The following SLIT3 variants were observed in gnomAD, a reference collection of about 807,000 sequenced individuals.
SLIT3 encodes the protein slit homolog 3 protein.
SLIT3 carries 68 observed loss-of-function variants against 184.0 expected under a neutral mutation model. That is an observed-to-expected ratio of 0.37 (90% confidence interval 0.30 to 0.45). The LOEUF (loss-of-function observed/expected upper bound fraction) is 0.45, where lower values mean the gene tolerates loss of function less well. Among genes scored for constraint, SLIT3 ranks in the 20% least tolerant of loss-of-function variants. The pLI is 1.00. For missense variants in SLIT3, 1,707 were observed against 2,026.0 expected (o/e 0.84, Z 3.02); for synonymous variants, 831 against 828.6 (o/e 1.00, Z -0.05).
chr5:169,288,457 T>C (rs544022536), intron 1 of SLIT3, among the ~76,000 whole-genome samples: 5 of 152,182 alleles, frequency 3.3e-5, no homozygotes, highest in Non-Finnish European at 5.9e-5. Flanking sequence ...TCATCAATGA[T>C]TCCTGAGGGT....
chr5:168,676,572 G>C (rs1479059469), intron 32 of SLIT3, among the ~76,000 whole-genome samples: 2 of 152,146 alleles, frequency 1.3e-5, no homozygotes, highest in African/African-American at 2.4e-5. Flanking sequence ...GGAAGGGGAG[G>C]GATGGCCCCG....
At chr5:168,856,330 T>C (rs1039019649) in intron 5 of SLIT3, among the ~76,000 whole-genome samples, 19 of 152,020 alleles carry the variant, frequency 1.2e-4, no homozygotes, top group Admixed American at 5.9e-4. Context: ...GACATCACAG[T>C]GAAAGGTAGG....
chr5:168,907,860 A>G (rs1761104868), intron 4 of SLIT3, among the ~76,000 whole-genome samples: 1 of 148,312 alleles, frequency 6.7e-6, no homozygotes, highest in African/African-American at 2.5e-5. Flanking sequence ...ACATATATCT[A>G]TATCTATAGA....
At chr5:168,969,792 A>G (rs1322415876) in intron 4 of SLIT3, among the ~76,000 whole-genome samples, 1 of 152,242 alleles carries the variant, frequency 6.6e-6, no homozygotes, top group African/African-American at 2.4e-5. Context: ...CACTTGGCTC[A>G]GGTTCACTTT....
chr5:169,068,842 C>CAA (rs5873146), intron 4 of SLIT3, among the ~76,000 whole-genome samples: 133 of 149,692 alleles, frequency 8.9e-4, no homozygotes, highest in Middle Eastern at 3.4e-3. Context: ...TTAAAAGCCT[C>CAA]AAAAAAAAAA....
At chr5:168,934,527 G>A (rs1429084374) in intron 4 of SLIT3, among the ~76,000 whole-genome samples, 10 of 152,162 alleles carry the variant, frequency 6.6e-5, no homozygotes, top group Non-Finnish European at 1.5e-4. Flanking sequence ...TCAGGCTGGT[G>A]GAAGAGACAG....
intron 4 of SLIT3, among the ~76,000 whole-genome samples, chr5:169,137,563 C>T (rs894019052): frequency 1.3e-5 from 2 of 152,046 alleles, no homozygotes; most frequent in Non-Finnish European, 2.9e-5. Context: ...TTTTTCCTGG[C>T]TTACGTCCCT....
chr5:168,965,847 T>C (rs1268148362), intron 4 of SLIT3, among the ~76,000 whole-genome samples: 1 of 152,192 alleles, frequency 6.6e-6, no homozygotes, highest in East Asian at 1.9e-4. Flanking sequence ...AATTGTGAAC[T>C]CATGCCAGCG....
chr5:169,274,304 T>C (rs1290429774), intron 1 of SLIT3, among the ~76,000 whole-genome samples: 2 of 152,230 alleles, frequency 1.3e-5, no homozygotes, highest in African/African-American at 4.8e-5. Flanking sequence ...GAAAGCCTTG[T>C]AGGATTTGAA....
chr5:169,219,250 CAGA>C (rs1256614750), intron 3 of SLIT3, among the ~76,000 whole-genome samples: 4 of 152,324 alleles, frequency 2.6e-5, no homozygotes, highest in Admixed American at 2.0e-4. Context: ...TGCTGACAGG[CAGA>C]ATAAGGTTCC....
At chr5:169,182,347 C>T (rs965187020) in intron 4 of SLIT3, among the ~76,000 whole-genome samples, 2 of 152,220 alleles carry the variant, frequency 1.3e-5, no homozygotes, top group African/African-American at 2.4e-5. Flanking sequence ...GTTATCATAG[C>T]TTTGCTGTTG....
At chr5:169,087,114 A>G (rs892336129) in intron 4 of SLIT3, among the ~76,000 whole-genome samples, 1 of 152,228 alleles carries the variant, frequency 6.6e-6, no homozygotes, top group Non-Finnish European at 1.5e-5. Context: ...CCGGCATGCT[A>G]TTTTGTGTTT....
intron 1 of SLIT3, among the ~76,000 whole-genome samples, chr5:169,281,536 C>T (rs186901618): frequency 4.6e-5 from 7 of 152,226 alleles, no homozygotes; most frequent in African/African-American, 1.4e-4. Context: ...ATTGTATTTG[C>T]GGTTCCTTTC....
At chr5:169,233,282 C>T (rs1452402749) in intron 3 of SLIT3, among the ~76,000 whole-genome samples, 14 of 152,176 alleles carry the variant, frequency 9.2e-5, no homozygotes, top group Admixed American at 8.5e-4. Flanking sequence ...CTCGGCTTCC[C>T]AAAGTGCTGG....
chr5:168,920,151 G>A (rs959175721), intron 4 of SLIT3, among the ~76,000 whole-genome samples: 1 of 152,082 alleles, frequency 6.6e-6, no homozygotes, highest in African/African-American at 2.4e-5. Flanking sequence ...GGCTTTTTGG[G>A]TATCTGGTCC....
At chr5:169,207,637 C>T (rs1163830862) in intron 3 of SLIT3, among the ~76,000 whole-genome samples, 2 of 152,180 alleles carry the variant, frequency 1.3e-5, no homozygotes, top group Admixed American at 6.5e-5. Flanking sequence ...GGCTAAATGA[C>T]CTGAATTATC....
intron 4 of SLIT3, among the ~76,000 whole-genome samples, chr5:168,891,424 G>A (rs1319479471): frequency 6.6e-6 from 1 of 152,198 alleles, no homozygotes; most frequent in Non-Finnish European, 1.5e-5. Context: ...AGAAAACCAA[G>A]CACTTTGTCC....
At chr5:169,274,385 G>A (rs554566274) in intron 1 of SLIT3, among the ~76,000 whole-genome samples, 16 of 152,252 alleles carry the variant, frequency 1.1e-4, no homozygotes, top group South Asian at 2.1e-4. Flanking sequence ...CATCTATTTC[G>A]TCAAATCGAA....
chr5:168,909,973 C>T (rs998439070), intron 4 of SLIT3, among the ~76,000 whole-genome samples: 1 of 152,226 alleles, frequency 6.6e-6, no homozygotes, highest in Non-Finnish European at 1.5e-5. Flanking sequence ...TAAACCCATT[C>T]ACTAAATTTG....
Sources: gnomAD v4.1 joint callset for allele counts (sites outside exome capture counted in the v4.1 genomes callset) on GRCh38, gnomAD v4.1.1 for gene constraint, MANE v1.5 for transcripts, NCBI Gene and HGNC (gene_info 2026-07-23, HGNC 2026-07-21) for gene names.